The following GPC3 variants were observed in gnomAD, a reference collection of about 807,000 sequenced individuals.
The protein encoded by GPC3 is glypican-3.
Under a neutral mutation model 34.4 loss-of-function variants are expected in GPC3, and 3 were observed. That is an observed-to-expected ratio of 0.09 (90% CI 0.04 to 0.23). The LOEUF is 0.23. Among genes scored for constraint, GPC3 ranks in the 10% least tolerant of loss-of-function variants. GPC3 has a pLI of 1.00. For missense variants in GPC3, 351 were observed against 445.6 expected, an observed-to-expected ratio of 0.79 and a Z score of 1.91; for synonymous variants, 177 against 174.0, an observed-to-expected ratio of 1.02 and a Z score of -0.13.
At chrX:133,835,661 G>A (rs2075796261) in intron 2 of GPC3, among the ~76,000 whole-genome samples, 1 of 111,263 alleles carries the variant, frequency 9.0e-6, no homozygotes, top group Admixed American at 9.6e-5. Flanking sequence ...AAGTAAAAGG[G>A]GCAAATTACA....
intron 6 of GPC3, among the ~76,000 whole-genome samples, chrX:133,634,695 G>A (rs143502105): frequency 3.0e-4 from 34 of 112,036 alleles, no homozygotes; most frequent in Admixed American, 1.6e-3. Context: ...GAGAAGTGAC[G>A]GAAAACAGGC....
chrX:133,626,832 T>A (rs771404611), intron 6 of GPC3, among the ~76,000 whole-genome samples: 36 of 107,612 alleles, frequency 3.3e-4, no homozygotes, highest in Non-Finnish European at 1.3e-4. Flanking sequence ...CCCAAAGGAT[T>A]ATAAATCATG....
intron 3 of GPC3, among the ~76,000 whole-genome samples, chrX:133,738,095 C>T (rs1193572993): frequency 8.9e-6 from 1 of 111,829 alleles, no homozygotes; most frequent in African/African-American, 3.3e-5. Context: ...TCCCGAGTAG[C>T]TGAGACCACA....
intron 2 of GPC3, among the ~76,000 whole-genome samples, chrX:133,857,382 G>A (rs2075908773): frequency 1.8e-5 from 2 of 111,949 alleles, no homozygotes; most frequent in African/African-American, 6.5e-5. Flanking sequence ...ATTGTTCTTT[G>A]GCTCCTGCTA....
intron 2 of GPC3, among the ~76,000 whole-genome samples, chrX:133,776,435 C>T (rs1371853196): frequency 9.0e-6 from 1 of 111,597 alleles, no homozygotes; most frequent in East Asian, 2.8e-4. Flanking sequence ...CTGTGATGCC[C>T]ATATTTTTAC....
intron 1 of GPC3, among the ~76,000 whole-genome samples, chrX:133,974,082 A>G (rs1208226265): frequency 9.0e-6 from 1 of 111,498 alleles, no homozygotes; most frequent in African/African-American, 3.3e-5. Context: ...ACAAAGTCTC[A>G]CTCTGTCACC....
intron 7 of GPC3, among the ~76,000 whole-genome samples, chrX:133,587,579 G>T (rs1467092857): frequency 8.9e-6 from 1 of 111,966 alleles, no homozygotes; most frequent in Admixed American, 9.5e-5. Flanking sequence ...TATAAGAGTA[G>T]CACATTTATA....
rs750721146 is a variant in GPC3 at position 133,707,131 on chromosome X, C to T, written c.1033-7103G>A. On this transcript the variant is annotated intron_variant, in intron 3 of 7. Coordinates refer to ENST00000370818, the MANE Select transcript of GPC3 (RefSeq NM_004484.4). ...GAAAATCAAATACTGCATGTTCTCA[C>T]TTATTAGTGGGAGCTAAATGTTGAA... 5.4e-4 allele frequency among the ~76,000 whole-genome samples: 60 copies of T among 111,744 alleles called. 1 individual carries two copies. Among genetic ancestry groups the T allele is most frequent in the African/African-American group, 1.9e-3 (59 of 30,766 alleles).
chrX:133,928,620 C>T (rs143037387), intron 2 of GPC3, among the ~76,000 whole-genome samples: 5,024 of 111,811 alleles, frequency 0.045, 116 homozygotes, highest in East Asian at 0.098. Flanking sequence ...TTTTTGATAA[C>T]AGCTATCTTA....
intron 2 of GPC3, among the ~76,000 whole-genome samples, chrX:133,850,077 T>C (rs2075865075): frequency 9.0e-6 from 1 of 111,231 alleles, no homozygotes; most frequent in Non-Finnish European, 1.9e-5. Flanking sequence ...TAACCTTCAC[T>C]TTAAGCCATG....
chrX:133,826,659 AT>A (rs1406918034), intron 2 of GPC3, among the ~76,000 whole-genome samples: 4 of 111,487 alleles, frequency 3.6e-5, no homozygotes, highest in African/African-American at 1.3e-4. Context: ...CCCAAATTTG[AT>A]TTTTTGAAAA....
At chrX:133,556,685 G>T (rs1445135400) in intron 7 of GPC3, among the ~76,000 whole-genome samples, 2 of 102,172 alleles carry the variant, frequency 2.0e-5, no homozygotes, top group African/African-American at 7.3e-5. Context: ...TGAGAGAAGG[G>T]AGAGTAATGT....
chrX:133,974,129 C>A (rs2076505056), intron 1 of GPC3, among the ~76,000 whole-genome samples: 1 of 112,143 alleles, frequency 8.9e-6, no homozygotes, highest in Admixed American at 9.4e-5. Context: ...CAGCTCACTG[C>A]AACCTCTGCC....
intron 3 of GPC3, among the ~76,000 whole-genome samples, chrX:133,742,620 G>GA (rs1370377770): frequency 9.0e-6 from 1 of 111,499 alleles, no homozygotes; most frequent in Non-Finnish European, 1.9e-5. Flanking sequence ...TTTTTCTTTG[G>GA]AAAAAAAGAT....
chrX:133,601,234 C>T (rs760876184), intron 6 of GPC3, among the ~76,000 whole-genome samples: 217 of 111,742 alleles, frequency 1.9e-3, no homozygotes, highest in African/African-American at 6.6e-3. Context: ...AATATAGAAA[C>T]GTGAAAGGAA....
intron 2 of GPC3, among the ~76,000 whole-genome samples, chrX:133,795,012 T>C (rs1397984518): frequency 8.9e-6 from 1 of 112,050 alleles, no homozygotes; most frequent in Non-Finnish European, 1.9e-5. Flanking sequence ...TCTCTGTATT[T>C]ACCTTAGAGC....
rs139678580 is a variant in GPC3, at chrX:133,773,026, A to G, written c.338-18850T>C. Among the ~76,000 whole-genome samples, 12 of 111,301 alleles carry G rather than the reference A, an allele frequency of 1.1e-4. No homozygotes were observed. The East Asian group carries it at 3.4e-3, about 31-fold the overall frequency. On this transcript the variant is annotated intron_variant, in intron 2 of 7. Coordinates refer to ENST00000370818, the MANE Select transcript of GPC3 (RefSeq NM_004484.4). The stretch of plus-strand genomic sequence containing the variant: ...ATATTCACTGTTACTGAAATTTCAC[A>G]TAACAAAAAGGGGGTAGAAAATTTT...
At chrX:133,692,735 A>G (rs745370777) in intron 4 of GPC3, among the ~76,000 whole-genome samples, 3 of 112,315 alleles carry the variant, frequency 2.7e-5, no homozygotes, top group Non-Finnish European at 5.6e-5. Flanking sequence ...GGATGATTTA[A>G]TTCCAACATT....
intron 2 of GPC3, among the ~76,000 whole-genome samples, chrX:133,890,518 G>T (rs1378491049): frequency 1.8e-5 from 2 of 110,238 alleles, no homozygotes; most frequent in African/African-American, 3.3e-5. Context: ...AGGAACTCAA[G>T]ACCAGCCTGG....
Sources: allele counts gnomAD v4.1 joint callset (sites outside exome capture counted in the v4.1 genomes callset), GRCh38; gene constraint gnomAD v4.1.1; transcripts MANE v1.5; gene names NCBI Gene and HGNC (gene_info 2026-07-23, HGNC 2026-07-21).